VRK2: variants seen among roughly 807,000 people sequenced by gnomAD.
VRK2 encodes the protein serine/threonine-protein kinase VRK2.
VRK2 carries 60 observed loss-of-function variants against 57.6 expected under a neutral mutation model. The observed-to-expected ratio is 1.04, with a 90% CI of 0.85 to 1.29. VRK2 has a LOEUF of 1.29. VRK2 is among the 50% of genes most tolerant of loss of function. The pLI, the probability that VRK2 is intolerant of heterozygous loss-of-function variation, is 0.00. For synonymous variants in VRK2, 231 were observed against 199.2 expected, an observed-to-expected ratio of 1.16 and a Z score of -1.35; for missense variants, 705 against 588.1, an observed-to-expected ratio of 1.20 and a Z score of -2.06.
At chr2:58,102,841 A>T (rs1473283951) in intron 7 of VRK2, among the ~76,000 whole-genome samples, 1 of 151,668 alleles carries the variant, frequency 6.6e-6, no homozygotes, top group Non-Finnish European at 1.5e-5. Flanking sequence ...AGGCCACAAA[A>T]CTAGCCTCAA....
At chr2:58,135,263 G>A (rs1004439639) in intron 10 of VRK2, 64 bp downstream of exon 10, 3 of 1,587,822 alleles carry the variant, frequency 1.9e-6, no homozygotes, top group East Asian at 2.2e-5. Context: ...TGTCGTTATC[G>A]TTTGGTAGCT....
chr2:58,068,881 T>A (rs373947639), intron 2 of VRK2, among the ~76,000 whole-genome samples: 1 of 152,100 alleles, frequency 6.6e-6, no homozygotes, highest in Non-Finnish European at 1.5e-5. Context: ...TTGATTCTTT[T>A]TTGTATTTTC....
intron 1 of VRK2, among the ~76,000 whole-genome samples, chr2:57,928,287 A>G (rs1296915941): frequency 6.6e-6 from 1 of 151,904 alleles, no homozygotes; most frequent in East Asian, 1.9e-4. Context: ...AAGCTCACTA[A>G]TTCTTCTTCT....
chr2:58,040,305 A>G (rs572069597), intron 3 of VRK2, among the ~76,000 whole-genome samples: 27 of 152,320 alleles, frequency 1.8e-4, no homozygotes, highest in Admixed American at 1.0e-3. Flanking sequence ...AGATAACTCA[A>G]TATAACAGGT....
chr2:58,048,761 G>T, intron 1 of VRK2, 66 bp from the exon 2 acceptor site: 1 of 1,570,172 alleles, frequency 6.4e-7, no homozygotes, highest in East Asian at 2.3e-5. Context: ...TTTGGGAAGT[G>T]TATTTTAAGA....
At position 58,159,778 on chromosome 2, in the gene VRK2, C is replaced by G. The variant is rs149803148; in HGVS notation, c.*85C>G. On this transcript the variant is annotated 3_prime_UTR_variant, in exon 13 of 13. Coordinates refer to ENST00000340157, the MANE Select transcript of VRK2 (RefSeq NM_006296.7). ...TGTATTCTTATTTCAGTGTTTCCTT[C>G]CAGACATTTTTAAGGTAATTGGCTT... 2.0e-4 allele frequency: 329 copies of G among 1,613,072 alleles called. 1 individual carries two copies. The African/African-American group carries it at 3.7e-3, about 18-fold the overall frequency.
At chr2:57,943,921 T>C (rs1671175026) in intron 1 of VRK2, among the ~76,000 whole-genome samples, 1 of 152,210 alleles carries the variant, frequency 6.6e-6, no homozygotes, top group Admixed American at 6.5e-5. Flanking sequence ...AATTCTGCCA[T>C]TGTAGCAAAA....
intron 9 of VRK2, among the ~76,000 whole-genome samples, chr2:58,132,269 C>T (rs1369307850): frequency 6.6e-6 from 1 of 152,032 alleles, no homozygotes; most frequent in East Asian, 1.9e-4. Context: ...GTAGTCTGAG[C>T]TTGGTACGAT....
upstream of VRK2, among the ~76,000 whole-genome samples, chr2:58,043,383 C>T (rs974311286): frequency 6.6e-6 from 1 of 152,068 alleles, no homozygotes; most frequent in African/African-American, 2.4e-5. Flanking sequence ...GGAATTTTGA[C>T]AAATGTATAA....
At chr2:57,918,902 A>C (rs1199130739) in intron 1 of VRK2, among the ~76,000 whole-genome samples, 2 of 152,116 alleles carry the variant, frequency 1.3e-5, no homozygotes, top group Non-Finnish European at 2.9e-5. Flanking sequence ...GAACATTTCT[A>C]TGTATCTGAA....
At chr2:58,021,322 C>T (rs1050103509) in intron 1 of VRK2, among the ~76,000 whole-genome samples, 1 of 151,980 alleles carries the variant, frequency 6.6e-6, no homozygotes, top group African/African-American at 2.4e-5. Context: ...TGTGTATGGA[C>T]TCCAAATTAA....
chr2:58,056,390 A>T (rs780336227), intron 2 of VRK2, among the ~76,000 whole-genome samples: 4 of 152,204 alleles, frequency 2.6e-5, no homozygotes, highest in Non-Finnish European at 4.4e-5. Context: ...CCTCTGTCAG[A>T]CTGCAGGAGA....
rs553551798 is a variant in VRK2, at chr2:58,061,663, A to G, written c.136+12696A>G. ...CATTAAGAGAGCTAAACAAGGATGT[A>G]TATAGGGTAAAAGGTTAGTAGAACA... On this transcript the variant is annotated intron_variant, in intron 2 of 12. Coordinates refer to ENST00000340157, the MANE Select transcript of VRK2 (RefSeq NM_006296.7). Among the ~76,000 whole-genome samples, 118 of 152,154 alleles carry G rather than the reference A, an allele frequency of 7.8e-4. 1 individual carries two copies. Among genetic ancestry groups the G allele is most frequent in the Non-Finnish European group, 1.3e-3 (86 of 67,942 alleles).
chr2:57,994,855 CAAAA>C (rs571226645), intron 1 of VRK2, among the ~76,000 whole-genome samples: 1 of 151,610 alleles, frequency 6.6e-6, no homozygotes, highest in Non-Finnish European at 1.5e-5. Flanking sequence ...TTTTCCCAAA[CAAAA>C]AAAATTAATG....
chr2:57,925,022 G>C (rs1045987954), intron 1 of VRK2, among the ~76,000 whole-genome samples: 10 of 151,820 alleles, frequency 6.6e-5, no homozygotes, highest in African/African-American at 2.4e-4. Context: ...TCATTGATTT[G>C]CCTATGTTGC....
At chr2:58,016,640 G>A (rs1007346484) in intron 1 of VRK2, among the ~76,000 whole-genome samples, 3 of 152,134 alleles carry the variant, frequency 2.0e-5, no homozygotes, top group Admixed American at 1.3e-4. Flanking sequence ...GATTACAGCC[G>A]TGAGCCACCA....
intron 1 of VRK2, among the ~76,000 whole-genome samples, chr2:57,938,752 G>C (rs531796777): frequency 4.6e-5 from 7 of 151,988 alleles, no homozygotes; most frequent in Non-Finnish European, 1.0e-4. Flanking sequence ...CTAGTCAATG[G>C]AGACAAGATG....
intron 5 of VRK2, among the ~76,000 whole-genome samples, chr2:58,086,821 C>T (rs144004286): frequency 6.6e-6 from 1 of 152,158 alleles, no homozygotes; most frequent in African/African-American, 2.4e-5. Context: ...TGAAAAATAG[C>T]TGGCTTTCTC....
chr2:57,961,366 C>T (rs550855403), intron 1 of VRK2, among the ~76,000 whole-genome samples: 1 of 152,114 alleles, frequency 6.6e-6, no homozygotes, highest in African/African-American at 2.4e-5. Flanking sequence ...CACAGGAGAG[C>T]AAGAGAACTT....
Sources: allele counts gnomAD v4.1 joint callset (sites outside exome capture counted in the v4.1 genomes callset), GRCh38; gene constraint gnomAD v4.1.1; transcripts MANE v1.5; gene names NCBI Gene and HGNC (gene_info 2026-07-23, HGNC 2026-07-21).